The following PDE4B variants were observed in gnomAD, a reference collection of about 807,000 sequenced individuals.
The protein encoded by PDE4B is phosphodiesterase 4B.
PDE4B carries 20 observed loss-of-function variants against 82.2 expected under a neutral mutation model. That is an observed-to-expected ratio of 0.24 (90% confidence interval 0.17 to 0.35). The LOEUF (loss-of-function observed/expected upper bound fraction) is 0.35. Ranked by LOEUF, PDE4B falls within the 10% of genes least tolerant of loss-of-function variation. The probability of loss-of-function intolerance (pLI) is 1.00; values close to 1 mark genes in which losing one functional copy is unlikely to be tolerated. For synonymous variants in PDE4B, 320 were observed against 318.9 expected (o/e 1.00, Z -0.04); for missense variants, 655 against 907.2 (o/e 0.72, Z 3.57).
intron 3 of PDE4B, among the ~76,000 whole-genome samples, chr1:66,002,781 T>A (rs1162225273): frequency 6.6e-6 from 1 of 152,068 alleles, no homozygotes; most frequent in Non-Finnish European, 1.5e-5. Context: ...TTTAGATCAA[T>A]CCTAGAACTA....
At chr1:65,972,655 A>C (rs1650204813) in intron 3 of PDE4B, among the ~76,000 whole-genome samples, 1 of 152,200 alleles carries the variant, frequency 6.6e-6, no homozygotes, top group African/African-American at 2.4e-5. Flanking sequence ...ACCAAAAAGT[A>C]GACTAGAAAT....
chr1:66,259,302 C>T (rs139908359), intron 6 of PDE4B, among the ~76,000 whole-genome samples: 20 of 152,238 alleles, frequency 1.3e-4, no homozygotes, highest in Non-Finnish European at 2.4e-4. Flanking sequence ...GCAGACAAGT[C>T]CTCTCCTCTT....
Position 65,929,503 on chromosome 1 carries a change from A to G in PDE4B, c.281+10668A>G, listed in dbSNP as rs558779367. 3.1e-4 allele frequency among the ~76,000 whole-genome samples: 47 copies of G among 152,188 alleles called. 1 individual carries two copies. In the South Asian group the frequency reaches 9.4e-3, roughly 30 times the overall value. On this transcript the variant is annotated intron_variant, in intron 3 of 16. Transcript: ENST00000341517. Reference sequence around the variant, plus strand: ...CTTCTGTTGCAGGTCACCCACTTTCATGATAAGAGTTTGTGCCTGTTTTTC... The same window carrying G: ...CTTCTGTTGCAGGTCACCCACTTTCGTGATAAGAGTTTGTGCCTGTTTTTC...
intron 1 of PDE4B, among the ~76,000 whole-genome samples, chr1:65,891,186 C>T (rs2997086): frequency 1 from 151,757 of 152,246 alleles, 75,636 homozygotes; most frequent in East Asian, 1. Context: ...TGCTACAGGA[C>T]CCTTGAGACC....
chr1:66,199,805 G>T (rs925802907), intron 3 of PDE4B, among the ~76,000 whole-genome samples: 4 of 151,482 alleles, frequency 2.6e-5, no homozygotes, highest in East Asian at 1.9e-4. Context: ...CAGCAACATA[G>T]GTTGATGGTA....
chr1:65,807,286 T>A (rs1348137693), intron 1 of PDE4B, among the ~76,000 whole-genome samples: 8 of 152,212 alleles, frequency 5.3e-5, no homozygotes, highest in Admixed American at 1.3e-4. Flanking sequence ...ATTATACACA[T>A]CGTTCTATAA....
intron 3 of PDE4B, among the ~76,000 whole-genome samples, chr1:66,199,329 T>A (rs1317740565): frequency 6.6e-6 from 1 of 152,146 alleles, no homozygotes; most frequent in Non-Finnish European, 1.5e-5. Flanking sequence ...GGTATCTCAT[T>A]GCAGTTTTGA....
chr1:65,892,772 C>T (rs759584559), intron 1 of PDE4B, among the ~76,000 whole-genome samples: 3 of 152,022 alleles, frequency 2.0e-5, no homozygotes, highest in East Asian at 3.9e-4. Context: ...TAAACAATAA[C>T]CTTTTATTCA....
At chr1:66,102,050 T>C (rs917413705) in intron 3 of PDE4B, among the ~76,000 whole-genome samples, 1 of 152,160 alleles carries the variant, frequency 6.6e-6, no homozygotes, top group Non-Finnish European at 1.5e-5. Context: ...TTTCTACATA[T>C]GGCTATCCAG....
At chr1:66,249,521 A>G (rs1653586704) in intron 4 of PDE4B, among the ~76,000 whole-genome samples, 1 of 152,176 alleles carries the variant, frequency 6.6e-6, no homozygotes, top group African/African-American at 2.4e-5. Flanking sequence ...GAAATGTTAA[A>G]TTTGAAGAGA....
intron 3 of PDE4B, among the ~76,000 whole-genome samples, chr1:66,220,673 G>A (rs1017182270): frequency 2.0e-5 from 3 of 152,050 alleles, no homozygotes; most frequent in Non-Finnish European, 4.4e-5. Context: ...TCCCTCTGCT[G>A]CTATGTTTTA....
At chr1:66,262,919 C>T (rs915342093) in intron 6 of PDE4B, among the ~76,000 whole-genome samples, 1 of 152,164 alleles carries the variant, frequency 6.6e-6, no homozygotes, top group Non-Finnish European at 1.5e-5. Flanking sequence ...TGTGATTTGA[C>T]ACGCTATAAA....
At chr1:66,247,248 A>C (rs1268315095) in intron 3 of PDE4B, among the ~76,000 whole-genome samples, 1 of 152,196 alleles carries the variant, frequency 6.6e-6, no homozygotes, top group Non-Finnish European at 1.5e-5. Flanking sequence ...TAAATAACTG[A>C]ACTTCAGTGC....
intron 7 of PDE4B, among the ~76,000 whole-genome samples, chr1:66,268,727 A>G (rs893650409): frequency 6.6e-6 from 1 of 151,738 alleles, no homozygotes; most frequent in African/African-American, 2.4e-5. Flanking sequence ...AATACCAGAA[A>G]TACCCTTCTT....
At chr1:66,072,582 T>C (rs919587136) in intron 3 of PDE4B, among the ~76,000 whole-genome samples, 12 of 152,160 alleles carry the variant, frequency 7.9e-5, no homozygotes, top group Admixed American at 6.6e-4. Context: ...AGAGTGACTA[T>C]GGCTGTTTTG....
intron 1 of PDE4B, among the ~76,000 whole-genome samples, chr1:65,808,431 A>G (rs993766870): frequency 1.3e-5 from 2 of 152,128 alleles, no homozygotes; most frequent in Non-Finnish European, 1.5e-5. Flanking sequence ...CAGCTTCCCA[A>G]AGTGCTGAGA....
chr1:66,073,543 C>G (rs530054742), intron 3 of PDE4B, among the ~76,000 whole-genome samples: 30 of 152,222 alleles, frequency 2.0e-4, no homozygotes, highest in South Asian at 1.9e-3. Flanking sequence ...CTCCTCCACT[C>G]TCTCTTGTCC....
intron 3 of PDE4B, among the ~76,000 whole-genome samples, chr1:66,087,998 C>T (rs1397219582): frequency 6.6e-6 from 1 of 151,412 alleles, no homozygotes; most frequent in South Asian, 2.1e-4. Context: ...TGCACATGTA[C>T]CCTAAAACTT....
chr1:66,059,244 A>G (rs2100890038), intron 3 of PDE4B, among the ~76,000 whole-genome samples: 1 of 152,272 alleles, frequency 6.6e-6, no homozygotes, highest in South Asian at 2.1e-4. Flanking sequence ...TACTGTTCAT[A>G]TCACTTTCCT....
Sources: gnomAD v4.1 joint callset for allele counts (sites outside exome capture counted in the v4.1 genomes callset) on GRCh38, gnomAD v4.1.1 for gene constraint, MANE v1.5 for transcripts, NCBI Gene and HGNC (gene_info 2026-07-23, HGNC 2026-07-21) for gene names.